CENPW: variants seen among roughly 807,000 people sequenced by gnomAD.
CENPW encodes the protein centromere protein W.
CENPW carries 3 observed loss-of-function variants against 11.1 expected under a neutral mutation model. The ratio of observed to expected loss-of-function variants is 0.27; its 90% CI spans 0.12 to 0.70. The LOEUF is 0.70. Ranked by LOEUF, CENPW falls within the 30% of genes least tolerant of loss-of-function variation. CENPW has a pLI of 0.77. For synonymous variants in CENPW, 38 were observed against 42.0 expected (o/e 0.91, Z 0.37); for missense variants, 100 against 105.6 (o/e 0.95, Z 0.23).
the CENPW span, among the ~76,000 whole-genome samples, chr6:126,364,267 G>A: frequency 6.6e-6 from 1 of 152,158 alleles, no homozygotes; most frequent in Admixed American, 6.5e-5. Flanking sequence ...AACTCATCCT[G>A]TTTTGACCTA....
At chr6:126,415,577 C>T in the CENPW span, among the ~76,000 whole-genome samples, 1 of 152,088 alleles carries the variant, frequency 6.6e-6, no homozygotes, top group South Asian at 2.1e-4. Context: ...GGCTGTGTCC[C>T]CACCCAAATC....
At chr6:126,424,521 A>G in the CENPW span, among the ~76,000 whole-genome samples, 9 of 152,104 alleles carry the variant, frequency 5.9e-5, no homozygotes, top group African/African-American at 1.9e-4. Context: ...TGGAGAAGGG[A>G]TTTAAGACCA....
chr6:126,411,714 G>C, the CENPW span, among the ~76,000 whole-genome samples: 1 of 152,110 alleles, frequency 6.6e-6, no homozygotes, highest in African/African-American at 2.4e-5. Flanking sequence ...TGCTCTGGAG[G>C]TTTGGAGGTT....
chr6:126,433,754 T>C, the CENPW span, among the ~76,000 whole-genome samples: 1 of 152,112 alleles, frequency 6.6e-6, no homozygotes, highest in Non-Finnish European at 1.5e-5. Flanking sequence ...CACAAAATAT[T>C]AATAGCAAGT....
chr6:126,377,597 G>T, the CENPW span, among the ~76,000 whole-genome samples: 5 of 152,268 alleles, frequency 3.3e-5, no homozygotes, highest in East Asian at 9.6e-4. Context: ...GTGTGAGTCT[G>T]TTGTACCACA....
the CENPW span, among the ~76,000 whole-genome samples, chr6:126,440,885 G>A: frequency 7.3e-5 from 11 of 151,468 alleles, no homozygotes; most frequent in Admixed American, 6.6e-4. Context: ...TGTTAGCTAT[G>A]TTTGTATTAG....
chr6:126,460,700 A>G, the CENPW span, among the ~76,000 whole-genome samples: 1 of 151,846 alleles, frequency 6.6e-6, no homozygotes, highest in Non-Finnish European at 1.5e-5. Context: ...AAGAGACCTC[A>G]GTATAGAACC....
chr6:126,345,891 A>C (rs1192855119), intron 1 of CENPW, among the ~76,000 whole-genome samples: 1 of 152,138 alleles, frequency 6.6e-6, no homozygotes, highest in African/African-American at 2.4e-5. Flanking sequence ...ATCCATTTGG[A>C]ATCAGAAGCA....
At chr6:126,390,422 A>T in the CENPW span, among the ~76,000 whole-genome samples, 1 of 151,980 alleles carries the variant, frequency 6.6e-6, no homozygotes, top group Admixed American at 6.6e-5. Context: ...ACACAAAGAT[A>T]AATGGGATAT....
the CENPW span, among the ~76,000 whole-genome samples, chr6:126,482,532 C>T: frequency 2.6e-5 from 4 of 151,790 alleles, no homozygotes; most frequent in African/African-American, 4.8e-5. Context: ...GATTTTTATA[C>T]ATGATATTAT....
chr6:126,418,136 C>T, the CENPW span, among the ~76,000 whole-genome samples: 4 of 152,124 alleles, frequency 2.6e-5, no homozygotes, highest in Non-Finnish European at 4.4e-5. Context: ...AGTTATTATA[C>T]GCTGCTGGTC....
At chr6:126,388,348 G>A in the CENPW span, among the ~76,000 whole-genome samples, 2 of 151,958 alleles carry the variant, frequency 1.3e-5, no homozygotes, top group Non-Finnish European at 2.9e-5. Flanking sequence ...CAGGGCAGGG[G>A]GAAAAAGGCG....
At chr6:126,352,813 T>A (rs1455591727), downstream of CENPW, among the ~76,000 whole-genome samples, 1 of 152,148 alleles carries the variant, frequency 6.6e-6, no homozygotes, top group Non-Finnish European at 1.5e-5. Context: ...ATTTTACAAT[T>A]TGCTGGTGTA....
chr6:126,476,012 T>G, the CENPW span, among the ~76,000 whole-genome samples: 1 of 151,696 alleles, frequency 6.6e-6, no homozygotes, highest in Non-Finnish European at 1.5e-5. Flanking sequence ...GTAGTAGTAG[T>G]AGAACTCAAA....
chr6:126,480,643 C>T, the CENPW span, among the ~76,000 whole-genome samples: 826 of 152,004 alleles, frequency 5.4e-3, 4 homozygotes, highest in African/African-American at 0.018. Flanking sequence ...TAAAAACATC[C>T]CAAAATGCTG....
the CENPW span, among the ~76,000 whole-genome samples, chr6:126,409,719 A>G: frequency 6.6e-6 from 1 of 152,052 alleles, no homozygotes; most frequent in African/African-American, 2.4e-5. Context: ...CAATGTAAGT[A>G]TAGTAGCTAC....
chr6:126,476,207 T>G, the CENPW span, among the ~76,000 whole-genome samples: 1 of 152,016 alleles, frequency 6.6e-6, no homozygotes, highest in Admixed American at 6.6e-5. Flanking sequence ...AAGATAGTTT[T>G]GTGGTTGTTT....
chr6:126,388,302 G>A, the CENPW span, among the ~76,000 whole-genome samples: 31 of 152,028 alleles, frequency 2.0e-4, no homozygotes, highest in East Asian at 7.7e-4. Context: ...GCTTTTGGCC[G>A]TGCTCTTGTA....
the CENPW span, among the ~76,000 whole-genome samples, chr6:126,413,800 A>G: frequency 5.9e-5 from 9 of 152,156 alleles, no homozygotes; most frequent in East Asian, 1.7e-3. Flanking sequence ...AACAGATGAT[A>G]AGAGTAATTG....
Sources: gnomAD v4.1 joint callset for allele counts (sites outside exome capture counted in the v4.1 genomes callset) on GRCh38, gnomAD v4.1.1 for gene constraint, MANE v1.5 for transcripts, NCBI Gene and HGNC (gene_info 2026-07-23, HGNC 2026-07-21) for gene names.